Variants in SLC24A2 observed in about 807,000 individuals in gnomAD.
SLC24A2 encodes sodium/potassium/calcium exchanger 2.
A neutral mutation model predicts 62.0 loss-of-function variants in SLC24A2; 36 were observed. That is an observed-to-expected ratio of 0.58 (90% CI 0.44 to 0.77). The LOEUF is 0.77. Among genes scored for constraint, SLC24A2 ranks in the 30% least tolerant of loss-of-function variants. SLC24A2 has a pLI of 0.00. For missense variants in SLC24A2, 846 were observed against 817.9 expected, an observed-to-expected ratio of 1.03 and a Z score of -0.42; for synonymous variants, 358 against 294.0, an observed-to-expected ratio of 1.22 and a Z score of -2.23.
chr9:20,212,592 A>T, the SLC24A2 span, among the ~76,000 whole-genome samples: 7,037 of 151,872 alleles, frequency 0.046, 227 homozygotes, highest in South Asian at 0.094. Flanking sequence ...TAGAATTGGT[A>T]AATAAACCAG....
chr9:20,121,879 T>C, the SLC24A2 span, among the ~76,000 whole-genome samples: 10 of 152,214 alleles, frequency 6.6e-5, no homozygotes, highest in Non-Finnish European at 1.3e-4. Flanking sequence ...TTTAATTATA[T>C]TACTTTCATC....
At chr9:19,881,164 A>G in the SLC24A2 span, among the ~76,000 whole-genome samples, 2 of 152,190 alleles carry the variant, frequency 1.3e-5, no homozygotes, top group Non-Finnish European at 2.9e-5. Flanking sequence ...TAAAGCCATT[A>G]TACTCAGTGA....
intron 8 of SLC24A2, among the ~76,000 whole-genome samples, chr9:19,531,956 T>C (rs1205927761): frequency 1.3e-5 from 2 of 152,194 alleles, no homozygotes; most frequent in Non-Finnish European, 2.9e-5. Flanking sequence ...GACAATATAG[T>C]CATGCCCTTG....
At chr9:20,267,558 G>A in the SLC24A2 span, among the ~76,000 whole-genome samples, 15,715 of 152,142 alleles carry the variant, frequency 0.1, 1,814 homozygotes, top group East Asian at 0.51. Flanking sequence ...TAGAATAGGC[G>A]CTCAGGGAAG....
At chr9:19,972,312 G>A in the SLC24A2 span, among the ~76,000 whole-genome samples, 1 of 152,074 alleles carries the variant, frequency 6.6e-6, no homozygotes, top group African/African-American at 2.4e-5. Flanking sequence ...TAGTCAGGGG[G>A]CTTTACTTTG....
the SLC24A2 span, among the ~76,000 whole-genome samples, chr9:20,016,726 T>A: frequency 4.0e-5 from 6 of 151,772 alleles, no homozygotes; most frequent in African/African-American, 1.5e-4. Context: ...AACCTACAAC[T>A]ACACACACAC....
the SLC24A2 span, among the ~76,000 whole-genome samples, chr9:19,798,572 C>T: frequency 1.3e-5 from 2 of 149,560 alleles, no homozygotes; most frequent in South Asian, 2.1e-4. Flanking sequence ...TATATATGAA[C>T]AATACGTTTG....
the SLC24A2 span, among the ~76,000 whole-genome samples, chr9:19,807,078 A>T: frequency 6.6e-6 from 1 of 152,220 alleles, no homozygotes; most frequent in Non-Finnish European, 1.5e-5. Flanking sequence ...ACTACATCTT[A>T]TATCTCATTT....
At chr9:20,260,357 A>C in the SLC24A2 span, among the ~76,000 whole-genome samples, 1 of 152,248 alleles carries the variant, frequency 6.6e-6, no homozygotes, top group Non-Finnish European at 1.5e-5. Context: ...GTATTCTGAT[A>C]CAGCAGCAAC....
At chr9:20,195,129 T>C in the SLC24A2 span, among the ~76,000 whole-genome samples, 4 of 152,228 alleles carry the variant, frequency 2.6e-5, no homozygotes, top group South Asian at 2.1e-4. Flanking sequence ...TGTATTCATG[T>C]TCGCAGCTGT....
chr9:19,997,415 A>G, the SLC24A2 span, among the ~76,000 whole-genome samples: 3 of 152,198 alleles, frequency 2.0e-5, no homozygotes, highest in Admixed American at 6.5e-5. Context: ...AAGTGGACGT[A>G]CCATATTAGT....
At chr9:19,758,796 C>T (rs1298973461) in intron 2 of SLC24A2, among the ~76,000 whole-genome samples, 1 of 152,130 alleles carries the variant, frequency 6.6e-6, no homozygotes, top group Non-Finnish European at 1.5e-5. Context: ...GAAATCAAGA[C>T]AGTCATTTCA....
At chr9:20,161,383 G>C in the SLC24A2 span, among the ~76,000 whole-genome samples, 2 of 151,320 alleles carry the variant, frequency 1.3e-5, no homozygotes, top group Non-Finnish European at 3.0e-5. Flanking sequence ...TTTGAAGTAA[G>C]TGTAACATTG....
At chr9:20,204,953 G>C in the SLC24A2 span, among the ~76,000 whole-genome samples, 61 of 152,038 alleles carry the variant, frequency 4.0e-4, 2 homozygotes, top group South Asian at 0.013. Flanking sequence ...CACCATGTTA[G>C]CCAGAATGGT....
chr9:20,039,378 C>G, the SLC24A2 span, among the ~76,000 whole-genome samples: 1 of 151,938 alleles, frequency 6.6e-6, no homozygotes, highest in Non-Finnish European at 1.5e-5. Flanking sequence ...CAGCTGGCAG[C>G]AAGGCTGAGG....
At chr9:19,858,140 C>T in the SLC24A2 span, among the ~76,000 whole-genome samples, 1 of 152,138 alleles carries the variant, frequency 6.6e-6, no homozygotes, top group Non-Finnish European at 1.5e-5. Context: ...CAGCATGTTA[C>T]TGGTACAAAA....
chr9:19,648,073 T>C (rs1052015035), intron 2 of SLC24A2, among the ~76,000 whole-genome samples: 3 of 152,156 alleles, frequency 2.0e-5, no homozygotes. Context: ...TAAATAAAAA[T>C]GGTGCTAACA....
chr9:19,563,408 C>T (rs996935651), intron 7 of SLC24A2, among the ~76,000 whole-genome samples: 1 of 152,062 alleles, frequency 6.6e-6, no homozygotes, highest in Non-Finnish European at 1.5e-5. Context: ...AGAAAGGCGA[C>T]TTTCTCTTTG....
At chr9:20,074,092 A>G in the SLC24A2 span, among the ~76,000 whole-genome samples, 1 of 152,174 alleles carries the variant, frequency 6.6e-6, no homozygotes, top group East Asian at 1.9e-4. Context: ...CCAGGTCTCA[A>G]GAATTCTCAT....
Sources: gnomAD v4.1 joint callset for allele counts (sites outside exome capture counted in the v4.1 genomes callset) on GRCh38, gnomAD v4.1.1 for gene constraint, MANE v1.5 for transcripts, NCBI Gene and HGNC (gene_info 2026-07-23, HGNC 2026-07-21) for gene names.